Variants in KDM6B observed in about 807,000 individuals in gnomAD.
KDM6B encodes the protein lysine-specific demethylase 6B.
KDM6B carries 22 observed loss-of-function variants against 150.4 expected under a neutral mutation model. The observed-to-expected ratio is 0.15, with a 90% CI of 0.10 to 0.21. The LOEUF is 0.21. Among genes scored for constraint, KDM6B ranks in the 10% least tolerant of loss-of-function variants. KDM6B has a pLI of 1.00. For synonymous variants in KDM6B, 1,148 were observed against 921.1 expected, an observed-to-expected ratio of 1.25 and a Z score of -4.46; for missense variants, 1,984 against 2,234.3, an observed-to-expected ratio of 0.89 and a Z score of 2.26.
In KDM6B at chr17:7,851,229, G is replaced by A. The variant is rs779125803; in HGVS notation, c.3879+3G>A. 5 of 1,614,036 alleles carry A rather than the reference G, an allele frequency of 3.1e-6. No individual in the cohort carries two copies. Among genetic ancestry groups the A allele is most frequent in the Admixed American group, 1.7e-5 (1 of 60,024 alleles). ...CATCCTTCCAGGAGTCTCTGCAGGT[G>A]AGATGAGAACGTGGCCAGAGGCAGG... is the stretch of plus-strand genomic sequence containing the variant. On this transcript the variant is annotated splice_donor_region_variant and intron_variant, in intron 15 of 23. Transcript: ENST00000448097.
At chr17:7,853,148 C>A (rs776490805) in intron 22 of KDM6B, 22 bp downstream of exon 22, 1 of 1,614,124 alleles carries the variant, frequency 6.2e-7, no homozygotes, top group South Asian at 1.1e-5. Context: ...GGCTCTGCTG[C>A]TCTCCCTGAG....
chr17:7,850,104 C>T lies in KDM6B; in HGVS notation c.3600C>T (p.Val1200=). Residue 1200 remains valine, a synonymous_variant, in exon 14 of 24, where the codon GTC becomes GTT. Transcript: ENST00000448097. ...LESKRDAFSP[V]LLQFCTDPRN... ...GCAAACGGGATGCCTTCTCACCTGT[C>T]CTGCTGCAGTTCTGTACAGACCCTC... 6.2e-7 allele frequency: 1 copy of T among 1,613,924 alleles called. No individual in the cohort carries two copies. The highest frequency in any genetic ancestry group is 8.5e-7 in the Non-Finnish European group (1 of 1,180,036).
chr17:7,848,781 C>T lies in KDM6B; in HGVS notation c.2493C>T (p.Pro831=), dbSNP rs751575264. ...TGAAVSTRPG[P]LPTTQYSPGP... ...CAGCTGTTTCCACCCGGCCTGGGCC[C>T]TTGCCCACCACTCAGTATTCCCCTG... Residue 831 remains proline, a synonymous_variant, in exon 12 of 24, where the codon CCC becomes CCT. Transcript: ENST00000448097. The T allele has an allele frequency of 8.7e-6, 14 of 1,612,748 alleles. No individual in the cohort carries two copies. In the East Asian group the frequency reaches 1.3e-4, roughly 15 times the overall value.
chr17:7,846,377 G>GGGGCCCCCCCCCCCCCC, intron 7 of KDM6B, 23 bp from the exon 8 acceptor site: 3 of 1,479,498 alleles, frequency 2.0e-6, no homozygotes, highest in African/African-American at 1.6e-5. Flanking sequence ...ATCTGCCCCT[G>GGGGCCCCCCCCCCCCCC]CCCCGTGTCC....
In KDM6B at chr17:7,845,710, CT is replaced by C; in HGVS notation, c.137+20del. 5 of 1,614,116 alleles carry C rather than the reference CT, an allele frequency of 3.1e-6. No individual in the cohort carries two copies. The highest frequency in any genetic ancestry group is 4.2e-6 in the Non-Finnish European group (5 of 1,179,998). Reference sequence around the variant, plus strand: ...GAGGCAGGTGAGAAGTTGGGGCCCTCTGTCTCCAGGCACACCTCTTTCCATC... The same window carrying C: ...GAGGCAGGTGAGAAGTTGGGGCCCTCGTCTCCAGGCACACCTCTTTCCATC... On this transcript the variant is annotated intron_variant, in intron 5 of 23. Transcript: ENST00000448097.
In KDM6B at chr17:7,843,124, T is replaced by G. The variant is rs1267389101; in HGVS notation, c.-268-1777T>G. 6.6e-6 allele frequency among the ~76,000 whole-genome samples: 1 copy of G among 151,996 alleles called. No homozygotes were observed. The highest frequency in any genetic ancestry group is 2.4e-5 in the African/African-American group (1 of 41,352). On this transcript the variant is annotated intron_variant, in intron 2 of 23. Coordinates refer to ENST00000448097, the MANE Select transcript of KDM6B (RefSeq NM_001348716.2). This position sits in a 1 kb window ranked among gnomAD's most constrained non-coding sequence, Gnocchi z 4.5. ...AAGGGGAAGTGGCAGAGGGGAAGTG[T>G]CATCATCGCCGAAGGGGAAGCTGCC...
chr17:7,845,819 T>C, intron 5 of KDM6B, 53 bp from the exon 6 acceptor site: 4 of 1,582,880 alleles, frequency 2.5e-6, no homozygotes, highest in Admixed American at 1.7e-5. Flanking sequence ...CCTGCCTAGG[T>C]AGGACAAGAC....
chr17:7,835,992 T>C (rs1022491674), intron 1 of KDM6B, among the ~76,000 whole-genome samples: 1 of 152,166 alleles, frequency 6.6e-6, no homozygotes, highest in African/African-American at 2.4e-5. Flanking sequence ...CACTCCCAGG[T>C]GGGCTGGGCG....
Position 7,850,168 on chromosome 17 carries a change from C to T in KDM6B, c.3664C>T (p.Leu1222=). ...ITVIRGLAGS[L]RLNLGLFSTK... is the part of the protein sequence containing the mutation. Reference sequence around the variant, plus strand: ...AGTGATCCGGGGCCTGGCGGGCTCCCTGCGGCTCAGTGAGTATGGGGGGCA... The same window carrying T: ...AGTGATCCGGGGCCTGGCGGGCTCCTTGCGGCTCAGTGAGTATGGGGGGCA... The change falls in exon 14 of 24, where the codon CTG becomes TTG. Residue 1222 remains leucine (L), a synonymous_variant. Coordinates refer to ENST00000448097, the MANE Select transcript of KDM6B (RefSeq NM_001348716.2). The T allele has an allele frequency of 6.2e-7, 1 of 1,613,338 alleles. No individual in the cohort carries two copies. Among genetic ancestry groups the T allele is most frequent in the Non-Finnish European group, 8.5e-7 (1 of 1,179,856 alleles).
At position 7,838,806 on chromosome 17, in the gene KDM6B, C is replaced by A. The variant is rs566924957; in HGVS notation, c.-387-1100C>A. Among the ~76,000 whole-genome samples, 860 of 152,132 alleles carry A rather than the reference C, an allele frequency of 5.7e-3. 3 individuals carry two copies. Among genetic ancestry groups the A allele is most frequent in the Non-Finnish European group, 1.0e-2 (679 of 67,994 alleles). ...GAGAGTTCTAGCCTGAAGCTCCCTT[C>A]CCGAGCAGAAGGGCCTTGCCTGCCT... On this transcript the variant is annotated intron_variant, in intron 1 of 23. Coordinates refer to ENST00000448097, the MANE Select transcript of KDM6B (RefSeq NM_001348716.2).
chr17:7,850,759 G>A (rs554742986), intron 14 of KDM6B, among the ~76,000 whole-genome samples: 5 of 152,340 alleles, frequency 3.3e-5, no homozygotes, highest in African/African-American at 7.2e-5. Context: ...ACATGGCCAC[G>A]CACACATCTG....
chr17:7,847,098 C>T lies in KDM6B; in HGVS notation c.910-7C>T, dbSNP rs11870799. 5.0e-4 allele frequency: 814 copies of T among 1,612,540 alleles called. 3 individuals carry two copies. The African/African-American group carries it at 9.9e-3, about 20-fold the overall frequency. On this transcript the variant is annotated splice_polypyrimidine_tract_variant and splice_region_variant and intron_variant, in intron 10 of 23. Coordinates refer to ENST00000448097, the MANE Select transcript of KDM6B (RefSeq NM_001348716.2). ...CCTCATCCTGCATCCCTGTTTATCT[C>T]CTATAGGAGCAGCGGCACTCGCTGC...
Position 7,843,620 on chromosome 17 carries a change from C to T in KDM6B, c.-268-1281C>T, listed in dbSNP as rs996345225. Among the ~76,000 whole-genome samples the T allele has an allele frequency of 6.6e-6, 1 of 152,204 alleles. No homozygotes were observed. The highest frequency in any genetic ancestry group is 2.4e-5 in the African/African-American group (1 of 41,460). ...ACGAACGCGAACTTTCCAGCCACCCCCAGCCCCTCGTCGCGCACTCTCCCC... is the reference window on the plus strand; with the variant it reads ...ACGAACGCGAACTTTCCAGCCACCCTCAGCCCCTCGTCGCGCACTCTCCCC... On this transcript the variant is annotated intron_variant, in intron 2 of 23. Coordinates refer to ENST00000448097, the MANE Select transcript of KDM6B (RefSeq NM_001348716.2). The surrounding 1 kb of genome is among the most constrained non-coding windows in gnomAD (Gnocchi z 4.5).
At position 7,852,601 on chromosome 17, in the gene KDM6B, C is replaced by G; in HGVS notation, c.4575C>G (p.Val1525=). 1 of 1,613,792 alleles carries G rather than the reference C, an allele frequency of 6.2e-7. No homozygotes were observed. Among genetic ancestry groups the G allele is most frequent in the Non-Finnish European group, 8.5e-7 (1 of 1,179,956 alleles). ...TGTCATGGAACGTGGCTCGCACGGTCAAAATCAGCGACCCCGACTTGTTCA... is the reference window on the plus strand; with the variant it reads ...TGTCATGGAACGTGGCTCGCACGGTGAAAATCAGCGACCCCGACTTGTTCA... The part of the protein sequence containing the change: ...IHVSWNVART[V]KISDPDLFKM... The change falls in exon 21 of 24, where the codon GTC becomes GTG. Residue 1525 remains valine, a synonymous_variant. Transcript: ENST00000448097.
chr17:7,836,663 A>G (rs974040127), intron 1 of KDM6B, among the ~76,000 whole-genome samples: 60 of 152,216 alleles, frequency 3.9e-4, no homozygotes, highest in Non-Finnish European at 7.9e-4. Context: ...GGAGAGGAGG[A>G]GACAGGCAAG....
chr17:7,846,848 TCCACCACCATTACCACCA>T lies in KDM6B; in HGVS notation c.751_768del (p.Leu251_Pro256del), dbSNP rs763862565. The stretch of plus-strand genomic sequence containing the variant: ...GCCTTCCCCCAGGGCTGCCACTGCC[TCCACCACCATTACCACCA>T]CCACCACCACCACCACCACCACCAC... On this transcript the variant is annotated inframe_deletion, in exon 10 of 24. Coordinates refer to ENST00000448097, the MANE Select transcript of KDM6B (RefSeq NM_001348716.2). 35 of 1,584,570 alleles carry T rather than the reference TCCACCACCATTACCACCA, an allele frequency of 2.2e-5. No homozygotes were observed. Among genetic ancestry groups the T allele is most frequent in the South Asian group, 1.3e-4 (12 of 90,188 alleles).
In KDM6B at chr17:7,846,958, C is replaced by A. The variant is rs772885871; in HGVS notation, c.851C>A (p.Thr284Asn). The change falls in exon 10 of 24, where the codon ACC becomes AAC. Residue 284 changes from threonine (T) to asparagine (N), a missense_variant. Physicochemically the swap from Thr to Asn is moderately conservative, Grantham distance 65. Transcript: ENST00000448097. ...FQLTKPGLWS[T>N]LHGDAWGPER... ...CTAACCAAGCCAGGGCTGTGGAGTA[C>A]CCTGCATGGAGATGCCTGGGGCCCA... 6.7e-7 allele frequency: 1 copy of A among 1,482,306 alleles called. No individual in the cohort carries two copies. Among genetic ancestry groups the A allele is most frequent in the Non-Finnish European group, 9.1e-7 (1 of 1,094,822 alleles). 91.8% of individuals were successfully genotyped at this position (1,482,306 alleles called of 1,614,324 possible). A position where few individuals can be genotyped will look rare whatever the true frequency, so the allele number is the denominator to read the frequency against.
chr17:7,845,978 G>C lies in KDM6B; in HGVS notation c.236+8G>C. The C allele has an allele frequency of 6.2e-7, 1 of 1,612,854 alleles. No homozygotes were observed. Among genetic ancestry groups the C allele is most frequent in the Non-Finnish European group, 8.5e-7 (1 of 1,178,872 alleles). ...ACCATATTATGCTCCAGGGTGAGTG[G>C]ATATTTGAAGGTTCTGGGAGTGGGA... On this transcript the variant is annotated splice_region_variant and intron_variant, in intron 6 of 23. Coordinates refer to ENST00000448097, the MANE Select transcript of KDM6B (RefSeq NM_001348716.2).
In KDM6B at chr17:7,845,378, G is replaced by T; in HGVS notation, c.-84G>T. 1 of 786,626 alleles carries T rather than the reference G, an allele frequency of 1.3e-6. No individual in the cohort carries two copies. The highest frequency in any genetic ancestry group is 2.2e-6 in the Non-Finnish European group (1 of 452,858). The allele number at this position is 786,626 out of a possible 1,614,324, so 48.7% of individuals were successfully genotyped here. On this transcript the variant is annotated 5_prime_UTR_variant, in exon 4 of 24. Coordinates refer to ENST00000448097, the MANE Select transcript of KDM6B (RefSeq NM_001348716.2). ...GCGGGCACTCTTATCAGAGCGGCTG[G>T]AGCCGGACCATCGTCCCAGAGAGCT...
Sources: gnomAD v4.1 joint callset for allele counts (sites outside exome capture counted in the v4.1 genomes callset) on GRCh38, gnomAD v4.1.1 for gene constraint, Gnocchi (gnomAD v3.1) non-coding constraint, MANE v1.5 for transcripts, NCBI Gene and HGNC (gene_info 2026-07-23, HGNC 2026-07-21) for gene names.